The following NLRP5 variants were observed in gnomAD, a reference collection of about 807,000 sequenced individuals.
The protein encoded by NLRP5 is NLR family pyrin domain containing 5, also known as NACHT, LRR and PYD domains-containing protein 5.
In NLRP5, 93 loss-of-function variants were observed where a neutral mutation model predicts 113.1. The ratio of observed to expected loss-of-function variants is 0.82; its 90% confidence interval spans 0.70 to 0.98. The LOEUF is 0.98. Ranked by LOEUF, NLRP5 falls within the 50% of genes least tolerant of loss-of-function variation. The probability of loss-of-function intolerance (pLI) is 0.00; values close to 1 mark genes in which losing one functional copy is unlikely to be tolerated. For missense variants in NLRP5, 1,808 were observed against 1,514.3 expected, an observed-to-expected ratio of 1.19 and a Z score of -3.22; for synonymous variants, 751 against 600.7, an observed-to-expected ratio of 1.25 and a Z score of -3.66.
intron 3 of NLRP5, among the ~76,000 whole-genome samples, chr19:56,013,829 G>T (rs1982305152): frequency 6.6e-6 from 1 of 151,828 alleles, no homozygotes; most frequent in South Asian, 2.1e-4. Flanking sequence ...AGTAACGTTT[G>T]CTCCACTATT....
In NLRP5 at chr19:56,040,907, G is replaced by T; in HGVS notation, c.2787-15G>T. On this transcript the variant is annotated splice_polypyrimidine_tract_variant and intron_variant, in intron 10 of 14. Coordinates refer to ENST00000390649, the MANE Select transcript of NLRP5 (RefSeq NM_153447.4). Reference sequence around the variant, plus strand: ...GGCATCTCATCATGTCCTCTCTGGGGCTCTCTTCTTGCAGACTGGAGGACT... The same window carrying T: ...GGCATCTCATCATGTCCTCTCTGGGTCTCTCTTCTTGCAGACTGGAGGACT... 1.2e-6 allele frequency: 2 copies of T among 1,611,424 alleles called. No individual in the cohort carries two copies. The highest frequency in any genetic ancestry group is 1.7e-5 in the Admixed American group (1 of 59,728).
intron 12 of NLRP5, among the ~76,000 whole-genome samples, chr19:56,051,978 T>A (rs1983946906): frequency 6.6e-6 from 1 of 152,200 alleles, no homozygotes; most frequent in Non-Finnish European, 1.5e-5. Flanking sequence ...TTGTTTTAAT[T>A]GTTTCAAGCC....
At chr19:56,014,543 G>A (rs1982333112) in intron 3 of NLRP5, among the ~76,000 whole-genome samples, 1 of 151,486 alleles carries the variant, frequency 6.6e-6, no homozygotes, top group African/African-American at 2.4e-5. Context: ...TTCCTCTTAA[G>A]GATTTTGTAG....
At chr19:55,999,841 C>A in intron 1 of NLRP5, 2 of 1,343,484 alleles carry the variant, frequency 1.5e-6, no homozygotes, top group South Asian at 1.2e-5. Context: ...GCCTTGGTAC[C>A]ATGACACACG....
intron 10 of NLRP5, among the ~76,000 whole-genome samples, chr19:56,038,904 G>A (rs939621666): frequency 6.6e-6 from 1 of 152,122 alleles, no homozygotes; most frequent in Non-Finnish European, 1.5e-5. Flanking sequence ...CTCAACTCTT[G>A]GGCCCAAGTG....
Position 56,053,620 on chromosome 19 carries a change from A to G in NLRP5, c.3129-18A>G. 6.2e-7 allele frequency: 1 copy of G among 1,607,582 alleles called. No homozygotes were observed. The highest frequency in any genetic ancestry group is 8.5e-7 in the Non-Finnish European group (1 of 1,176,104). On this transcript the variant is annotated intron_variant, in intron 12 of 14. Coordinates refer to ENST00000390649, the MANE Select transcript of NLRP5 (RefSeq NM_153447.4). Reference sequence around the variant, plus strand: ...TCCTCGAGAGAGGCAGACTCTCTCTATTCCCCGCCTCTTGCAGGTTGGTAA... The same window carrying G: ...TCCTCGAGAGAGGCAGACTCTCTCTGTTCCCCGCCTCTTGCAGGTTGGTAA...
At chr19:56,044,619 C>A (rs1350518087) in intron 11 of NLRP5, among the ~76,000 whole-genome samples, 2 of 152,018 alleles carry the variant, frequency 1.3e-5, no homozygotes, top group South Asian at 4.1e-4. Context: ...GTGACTATGC[C>A]TTATAGTTTG....
At chr19:56,009,339 C>CAAAAAAAAAAAAAAAAAAAAAAAAA (rs71296979) in intron 3 of NLRP5, among the ~76,000 whole-genome samples, 2 of 44,318 alleles carry the variant, frequency 4.5e-5, no homozygotes, top group East Asian at 1.3e-3. Flanking sequence ...GACTCCATCT[C>CAAAAAAAAAAAAAAAAAAAAAAAAA]AAAAAAAAAA....
intron 8 of NLRP5, 27 bp from the exon 9 acceptor site, chr19:56,033,515 G>C (rs1308038387): frequency 6.3e-7 from 1 of 1,577,736 alleles, no homozygotes; most frequent in African/African-American, 1.4e-5. Flanking sequence ...CACCAGTGTC[G>C]AATGTGTCTC....
chr19:56,011,098 A>T (rs1442179172), intron 3 of NLRP5, among the ~76,000 whole-genome samples: 1 of 152,020 alleles, frequency 6.6e-6, no homozygotes, highest in African/African-American at 2.4e-5. Flanking sequence ...GGCTGCATTG[A>T]GCCATGATTG....
the NLRP5 span, chr19:55,987,803 C>T: frequency 1.2e-6 from 2 of 1,603,240 alleles, no homozygotes; most frequent in African/African-American, 2.7e-5. Context: ...CCTTCCTTTA[C>T]CTCCCTCCAG....
chr19:56,050,620 A>G (rs779843427), intron 12 of NLRP5, 32 bp downstream of exon 12: 22 of 1,602,918 alleles, frequency 1.4e-5, no homozygotes, highest in Middle Eastern at 1.7e-4. Flanking sequence ...GGTCAACTCT[A>G]TCATACTGGG....
At chr19:56,048,476 A>G (rs1173885069) in intron 11 of NLRP5, among the ~76,000 whole-genome samples, 1 of 152,142 alleles carries the variant, frequency 6.6e-6, no homozygotes, top group Non-Finnish European at 1.5e-5. Context: ...TCCTTCATAT[A>G]AAATGCTTAG....
the NLRP5 span, chr19:55,988,210 GGT>G: frequency 5.4e-6 from 1 of 183,930 alleles, no homozygotes; most frequent in Non-Finnish European, 1.1e-5. Context: ...TGGCCAACAT[GGT>G]GAAACCCCGC....
At chr19:56,001,230 TG>T (rs1568479792) in intron 1 of NLRP5, among the ~76,000 whole-genome samples, 1 of 141,260 alleles carries the variant, frequency 7.1e-6, no homozygotes, top group Non-Finnish European at 1.5e-5. Flanking sequence ...AAGGCTGAGG[TG>T]GGAAGCTTGC....
intron 13 of NLRP5, among the ~76,000 whole-genome samples, chr19:56,055,993 G>A (rs935607114): frequency 6.6e-6 from 1 of 152,142 alleles, no homozygotes; most frequent in Non-Finnish European, 1.5e-5. Context: ...ACAGGCAATG[G>A]CGAGTTGCTG....
Position 56,032,719 on chromosome 19 carries a change from G to A in NLRP5, c.2385G>A (p.Glu795=), listed in dbSNP as rs202123215. 2.5e-6 allele frequency: 4 copies of A among 1,613,414 alleles called. No homozygotes were observed. The highest frequency in any genetic ancestry group is 2.7e-5 in the African/African-American group (2 of 75,032). The change falls in exon 8 of 15, where the codon GAG becomes GAA. Residue 795 remains glutamate (E), a synonymous_variant. Transcript: ENST00000390649. ...ACCTGGGCAGCAGCATCCTGACAGA[G>A]CGGGCCATGAAGACCCTGTGTGCCA...
intron 9 of NLRP5, among the ~76,000 whole-genome samples, chr19:56,035,717 C>G (rs889524051): frequency 6.6e-6 from 1 of 152,122 alleles, no homozygotes; most frequent in Non-Finnish European, 1.5e-5. Flanking sequence ...TCCTGTATTC[C>G]CGGAACCTAG....
chr19:56,050,735 A>G (rs1008473741), intron 12 of NLRP5, 147 bp downstream of exon 12: 2 of 723,612 alleles, frequency 2.8e-6, no homozygotes, highest in Non-Finnish European at 4.4e-6. Flanking sequence ...ATCTAGGTAA[A>G]CTGAGGTGTT....
Sources: gnomAD v4.1 joint callset for allele counts (sites outside exome capture counted in the v4.1 genomes callset) on GRCh38, gnomAD v4.1.1 for gene constraint, MANE v1.5 for transcripts, NCBI Gene and HGNC (gene_info 2026-07-23, HGNC 2026-07-21) for gene names.